The following NTRK3 variants were observed in gnomAD, a reference collection of about 807,000 sequenced individuals.
NTRK3 encodes neurotrophic receptor tyrosine kinase 3, also known as NT-3 growth factor receptor.
In NTRK3, 24 loss-of-function variants were observed where a neutral mutation model predicts 91.7. The observed-to-expected ratio is 0.26, with a 90% CI of 0.19 to 0.37. The LOEUF (loss-of-function observed/expected upper bound fraction) is 0.37, where lower values mean the gene tolerates loss of function less well. NTRK3 is among the 10% of genes least tolerant of loss of function. The pLI is 1.00. For synonymous variants in NTRK3, 483 were observed against 404.0 expected, an observed-to-expected ratio of 1.20 and a Z score of -2.34; for missense variants, 880 against 1,068.9, an observed-to-expected ratio of 0.82 and a Z score of 2.46.
At chr15:88,003,826 ATTTTT>A (rs35312227) in intron 14 of NTRK3, among the ~76,000 whole-genome samples, 1 of 136,398 alleles carries the variant, frequency 7.3e-6, no homozygotes. Context: ...ATATATTTGG[ATTTTT>A]TTTTTTTTTT....
intron 14 of NTRK3, among the ~76,000 whole-genome samples, chr15:87,965,305 GA>G (rs1441237892): frequency 1.3e-5 from 2 of 152,146 alleles, no homozygotes; most frequent in African/African-American, 4.8e-5. Context: ...GTTATTAAAA[GA>G]AAAAAACTAT....
At chr15:88,103,869 C>T (rs2050424940) in intron 13 of NTRK3, among the ~76,000 whole-genome samples, 1 of 152,164 alleles carries the variant, frequency 6.6e-6, no homozygotes, top group Non-Finnish European at 1.5e-5. Context: ...TAGATATATC[C>T]TAGAGGTTGT....
At chr15:88,219,593 A>G (rs2050073626) in intron 3 of NTRK3, among the ~76,000 whole-genome samples, 1 of 152,286 alleles carries the variant, frequency 6.6e-6, no homozygotes, top group South Asian at 2.1e-4. Context: ...GAAGTCGACT[A>G]AACCCAAACT....
intron 17 of NTRK3, among the ~76,000 whole-genome samples, chr15:87,912,931 A>AATATATATATAT (rs58367924): frequency 0.01 from 372 of 36,002 alleles, 14 homozygotes; most frequent in Middle Eastern, 0.022. Flanking sequence ...AGTAAAAAAA[A>AATATATATATAT]ATATATATAT....
chr15:88,064,363 T>A (rs1429972127), intron 13 of NTRK3, among the ~76,000 whole-genome samples: 1 of 152,226 alleles, frequency 6.6e-6, no homozygotes, highest in Non-Finnish European at 1.5e-5. Flanking sequence ...ATGGACCAAC[T>A]GATTTTATAG....
chr15:88,161,345 A>G (rs1242662249), intron 5 of NTRK3, among the ~76,000 whole-genome samples: 3 of 152,150 alleles, frequency 2.0e-5, no homozygotes, highest in African/African-American at 7.2e-5. Context: ...AGCAGTCTGG[A>G]TGCAGAGTCT....
intron 3 of NTRK3, among the ~76,000 whole-genome samples, chr15:88,190,101 G>A (rs1468418141): frequency 1.3e-5 from 2 of 152,074 alleles, no homozygotes; most frequent in African/African-American, 2.4e-5. Context: ...GTGGGACTTA[G>A]GAACATCCTT....
intron 13 of NTRK3, among the ~76,000 whole-genome samples, chr15:88,056,118 A>G (rs1239994310): frequency 6.6e-6 from 1 of 150,844 alleles, no homozygotes; most frequent in African/African-American, 2.4e-5. Flanking sequence ...TGGAGCTCTC[A>G]ACTGAACAAA....
intron 14 of NTRK3, among the ~76,000 whole-genome samples, chr15:88,031,111 G>A (rs142319940): frequency 4.7e-4 from 71 of 152,316 alleles, no homozygotes; most frequent in African/African-American, 1.6e-3. Flanking sequence ...TCAACAACAT[G>A]TATTAAATAA....
intron 3 of NTRK3, among the ~76,000 whole-genome samples, chr15:88,202,230 T>A (rs541879837): frequency 2.0e-5 from 3 of 152,284 alleles, no homozygotes; most frequent in African/African-American, 7.2e-5. Context: ...CACGAGGGGC[T>A]TTTTTCTCCA....
chr15:88,169,340 A>G (rs1039440455), intron 5 of NTRK3, among the ~76,000 whole-genome samples: 2 of 152,224 alleles, frequency 1.3e-5, no homozygotes, highest in Non-Finnish European at 2.9e-5. Flanking sequence ...TATGGCAGGT[A>G]GTTCAAGGGA....
intron 3 of NTRK3, among the ~76,000 whole-genome samples, chr15:88,198,564 G>A (rs1231277161): frequency 6.6e-6 from 1 of 152,208 alleles, no homozygotes; most frequent in Non-Finnish European, 1.5e-5. Context: ...ATGTATGTAT[G>A]TAATCCTGTC....
chr15:88,024,128 T>C (rs939643542), intron 14 of NTRK3, among the ~76,000 whole-genome samples: 1 of 152,168 alleles, frequency 6.6e-6, no homozygotes, highest in Non-Finnish European at 1.5e-5. Context: ...GCAATTCCTC[T>C]TCCAGAAAAA....
intron 13 of NTRK3, among the ~76,000 whole-genome samples, chr15:88,055,807 C>A (rs1320184390): frequency 6.6e-6 from 1 of 152,164 alleles, no homozygotes; most frequent in Admixed American, 6.5e-5. Flanking sequence ...TTAAACGGGG[C>A]AGCCTCAAGG....
At chr15:88,226,223 G>A (rs550266894) in intron 3 of NTRK3, among the ~76,000 whole-genome samples, 79 of 152,236 alleles carry the variant, frequency 5.2e-4, no homozygotes, top group African/African-American at 1.3e-3. Flanking sequence ...AGCACCTGCC[G>A]GTTGCCCCCT....
intron 10 of NTRK3, 111 bp from the exon 11 acceptor site, chr15:88,128,845 T>G: frequency 1.0e-6 from 1 of 970,446 alleles, no homozygotes; most frequent in South Asian, 1.3e-5. Flanking sequence ...TTCCCTGTTC[T>G]CATGGCAACT....
intron 14 of NTRK3, among the ~76,000 whole-genome samples, chr15:87,972,485 CAG>C (rs2073340572): frequency 1.3e-5 from 2 of 152,190 alleles, no homozygotes; most frequent in Non-Finnish European, 2.9e-5. Context: ...CCTCCAAACT[CAG>C]ACATTACTTG....
intron 13 of NTRK3, among the ~76,000 whole-genome samples, chr15:88,069,888 C>CCT (rs1053898924): frequency 6.6e-6 from 1 of 152,178 alleles, no homozygotes; most frequent in African/African-American, 2.4e-5. Flanking sequence ...CAAGGTGCCT[C>CCT]CTCTCTGGCA....
At chr15:88,160,352 G>A (rs906415027) in intron 5 of NTRK3, among the ~76,000 whole-genome samples, 2 of 152,202 alleles carry the variant, frequency 1.3e-5, no homozygotes, top group Admixed American at 1.3e-4. Flanking sequence ...GGGAGCCCTT[G>A]AGGCTACAGG....
Sources: allele counts gnomAD v4.1 joint callset (sites outside exome capture counted in the v4.1 genomes callset), GRCh38; gene constraint gnomAD v4.1.1; transcripts MANE v1.5; gene names NCBI Gene and HGNC (gene_info 2026-07-23, HGNC 2026-07-21).